Variants in TXNRD2 observed in about 807,000 individuals in gnomAD.
The protein encoded by TXNRD2 is thioredoxin reductase 2, also known as thioredoxin reductase 2, mitochondrial.
In TXNRD2, 67 loss-of-function variants were observed where a neutral mutation model predicts 70.8. The ratio of observed to expected loss-of-function variants is 0.95; its 90% CI spans 0.78 to 1.16. The LOEUF (loss-of-function observed/expected upper bound fraction) is 1.16. Among genes scored for constraint, TXNRD2 ranks in the 50% most tolerant of loss-of-function variants. TXNRD2 has a pLI of 0.00. For synonymous variants in TXNRD2, 301 were observed against 295.8 expected, an observed-to-expected ratio of 1.02 and a Z score of -0.18; for missense variants, 644 against 719.9, an observed-to-expected ratio of 0.89 and a Z score of 1.21.
At chr22:19,930,432 C>T (rs1039396080) in intron 2 of TXNRD2, among the ~76,000 whole-genome samples, 2 of 152,146 alleles carry the variant, frequency 1.3e-5, no homozygotes, top group African/African-American at 2.4e-5. Context: ...CTGTGCATCA[C>T]GTGGGTTAGC....
intron 8 of TXNRD2, among the ~76,000 whole-genome samples, chr22:19,906,445 C>T (rs1404142989): frequency 1.3e-5 from 2 of 152,026 alleles, no homozygotes; most frequent in Admixed American, 6.5e-5. Context: ...GGCCACATAG[C>T]GAGTCCTTGC....
chr22:19,903,021 A>C (rs751920490), intron 8 of TXNRD2: 2 of 518,646 alleles, frequency 3.9e-6, no homozygotes, highest in African/African-American at 3.8e-5. Flanking sequence ...CAAGTTATAA[A>C]AACACTCTGC....
Position 19,918,920 on chromosome 22 carries a change from C to T in TXNRD2, c.314G>A (p.Gly105Asp), listed in dbSNP as rs201123742. The T allele has an allele frequency of 5.0e-6, 8 of 1,612,908 alleles. No individual in the cohort carries two copies. The African/African-American group carries it at 8.0e-5, about 16-fold the overall frequency. The change falls in exon 4 of 18, where the codon GGC becomes GAC. Residue 105 changes from glycine to aspartate, a missense_variant. This residue lies in a region of TXNRD2 where 566 missense variants were observed against 645.0 expected (regional missense o/e 0.88). Coordinates refer to ENST00000400521, the MANE Select transcript of TXNRD2 (RefSeq NM_006440.5). ...KLMHQAALLG[G>D]LIQDAPNYGW... ...ATAGTTGGGGGCATCTTGGATCAGGCCTCCCAGCAGTGCCGCCTGGTGCAT... is the reference window on the plus strand; with the variant it reads ...ATAGTTGGGGGCATCTTGGATCAGGTCTCCCAGCAGTGCCGCCTGGTGCAT...
chr22:19,895,273 C>A (rs541058307), intron 11 of TXNRD2, 134 bp downstream of exon 11: 16 of 1,592,544 alleles, frequency 1.0e-5, no homozygotes, highest in Non-Finnish European at 1.4e-5. Flanking sequence ...TCTCGAGGTG[C>A]ACTGGGGAGC....
chr22:19,882,894 C>T (rs1193066440), intron 12 of TXNRD2, among the ~76,000 whole-genome samples: 1 of 152,254 alleles, frequency 6.6e-6, no homozygotes, highest in African/African-American at 2.4e-5. Context: ...CCAGAGGATA[C>T]TGAGGCGGGG....
At position 19,918,923 on chromosome 22, in the gene TXNRD2, C is replaced by T. The variant is rs1194387426; in HGVS notation, c.311G>A (p.Gly104Glu). The T allele has an allele frequency of 1.9e-6, 3 of 1,613,048 alleles. No homozygotes were observed. The highest frequency in any genetic ancestry group is 1.1e-5 in the South Asian group (1 of 91,072). Residue 104 changes from glycine to glutamate, a missense_variant, in exon 4 of 18, where the codon GGA becomes GAA. By Grantham distance (98) the Gly-to-Glu change is moderately conservative. Around this residue, in one of 3 missense-constraint regions of TXNRD2, gnomAD observed 566 missense variants for 645.0 expected, o/e 0.88. Transcript: ENST00000400521. ...KKLMHQAALL[G>E]GLIQDAPNYG... is the part of the protein sequence containing the mutation. Reference sequence around the variant, plus strand: ...GTTGGGGGCATCTTGGATCAGGCCTCCCAGCAGTGCCGCCTGGTGCATCAG... The same window carrying T: ...GTTGGGGGCATCTTGGATCAGGCCTTCCAGCAGTGCCGCCTGGTGCATCAG...
rs377147143 is a variant in TXNRD2 at position 19,899,033 on chromosome 22, C to T, written c.682+16G>A. 28 of 1,605,848 alleles carry T rather than the reference C, an allele frequency of 1.7e-5. No homozygotes were observed. The highest frequency in any genetic ancestry group is 1.5e-4 in the African/African-American group (11 of 74,928). ...CCAGTTCCCAGGACGGCCACCTGCA[C>T]GCTTGCAAAGGATACAGCTGGCCCC... On this transcript the variant is annotated intron_variant, in intron 9 of 17. Transcript: ENST00000400521.
chr22:19,910,064 T>C (rs1480020086), intron 8 of TXNRD2, among the ~76,000 whole-genome samples: 1 of 151,028 alleles, frequency 6.6e-6, no homozygotes, highest in Non-Finnish European at 1.5e-5. Context: ...TTTCCACTGA[T>C]ATTTTCTCCT....
intron 2 of TXNRD2, among the ~76,000 whole-genome samples, chr22:19,921,090 G>C (rs1940893194): frequency 6.9e-6 from 1 of 145,440 alleles, no homozygotes; most frequent in Admixed American, 7.0e-5. Context: ...CTGGGTGACA[G>C]AGCGAGACTC....
Position 19,911,467 on chromosome 22 carries a change from C to A in TXNRD2, c.592-20G>T. On this transcript the variant is annotated intron_variant, in intron 7 of 17. Coordinates refer to ENST00000400521, the MANE Select transcript of TXNRD2 (RefSeq NM_006440.5). ...TTCGATCTGTCAAGACAGAAATGAC[C>A]CCTTGGACAAGAGCTCCATTTGGCC... The A allele has an allele frequency of 6.2e-7, 1 of 1,605,474 alleles. No homozygotes were observed. Among genetic ancestry groups the A allele is most frequent in the Non-Finnish European group, 8.5e-7 (1 of 1,172,490 alleles).
intron 8 of TXNRD2, among the ~76,000 whole-genome samples, chr22:19,908,613 G>C (rs548821794): frequency 2.0e-4 from 31 of 152,164 alleles, no homozygotes; most frequent in Non-Finnish European, 3.5e-4. Flanking sequence ...ATAAGATCCA[G>C]CAATCCCACT....
intron 2 of TXNRD2, among the ~76,000 whole-genome samples, chr22:19,926,321 C>G (rs1231242654): frequency 2.6e-5 from 4 of 151,860 alleles, no homozygotes; most frequent in Non-Finnish European, 5.9e-5. Context: ...GAAACCCCAT[C>G]TCTACTAAAA....
chr22:19,904,378 G>A (rs1939911496), intron 8 of TXNRD2, among the ~76,000 whole-genome samples: 2 of 152,204 alleles, frequency 1.3e-5, no homozygotes, highest in African/African-American at 4.8e-5. Flanking sequence ...CCCCTTGACT[G>A]AGCTTGGACA....
intron 11 of TXNRD2, chr22:19,894,450 A>T (rs1156963179): frequency 6.5e-6 from 1 of 152,784 alleles, no homozygotes; most frequent in African/African-American, 2.4e-5. Context: ...TCAAATCCAT[A>T]TCATTTTTAT....
At chr22:19,927,706 A>C (rs1330115060) in intron 2 of TXNRD2, among the ~76,000 whole-genome samples, 1 of 151,812 alleles carries the variant, frequency 6.6e-6, no homozygotes, top group Non-Finnish European at 1.5e-5. Flanking sequence ...AAGAAAAAGA[A>C]AAAAACAGTA....
Position 19,899,083 on chromosome 22 carries a change from G to C in TXNRD2, c.663-15C>G. The C allele has an allele frequency of 6.2e-7, 1 of 1,607,384 alleles. No individual in the cohort carries two copies. The highest frequency in any genetic ancestry group is 8.5e-7 in the Non-Finnish European group (1 of 1,179,924). ...CGACCACCAACCTGTTAGAGAAACA[G>C]AGAGAGAGCACATGTAAAGCTGAGG... is the stretch of plus-strand genomic sequence containing the variant. On this transcript the variant is annotated splice_polypyrimidine_tract_variant and intron_variant, in intron 8 of 17. Transcript: ENST00000400521.
intron 17 of TXNRD2, chr22:19,876,726 C>T (rs1401593979): frequency 5.9e-6 from 1 of 168,728 alleles, no homozygotes; most frequent in Non-Finnish European, 1.3e-5. Flanking sequence ...CGACTTTAGC[C>T]CACCCGGGAC....
chr22:19,938,044 C>A (rs1161627793), intron 1 of TXNRD2: 3 of 152,278 alleles, frequency 2.0e-5, no homozygotes, highest in Non-Finnish European at 2.9e-5. Context: ...TCTACCTCCA[C>A]AGTAGGCAGC....
intron 7 of TXNRD2, among the ~76,000 whole-genome samples, 154 bp from the exon 8 acceptor site, chr22:19,911,601 G>A (rs1940414930): frequency 6.6e-6 from 1 of 152,196 alleles, no homozygotes; most frequent in South Asian, 2.1e-4. Flanking sequence ...TCTGCAGGCT[G>A]TGGCCTCTTT....
Sources: gnomAD v4.1 joint callset for allele counts (sites outside exome capture counted in the v4.1 genomes callset) on GRCh38, gnomAD v4.1.1 for gene constraint, gnomAD v4.1.1 regional missense constraint, MANE v1.5 for transcripts, NCBI Gene and HGNC (gene_info 2026-07-23, HGNC 2026-07-21) for gene names.